PTPRG: variants seen among roughly 807,000 people sequenced by gnomAD.
PTPRG encodes the protein protein tyrosine phosphatase receptor type G.
A neutral mutation model predicts 165.3 loss-of-function variants in PTPRG; 102 were observed. The observed-to-expected ratio is 0.62, with a 90% CI of 0.53 to 0.73. PTPRG has a LOEUF of 0.73. Ranked by LOEUF, PTPRG falls within the 30% of genes least tolerant of loss-of-function variation. The pLI, the probability that PTPRG is intolerant of heterozygous loss-of-function variation, is 0.00. For synonymous variants in PTPRG, 675 were observed against 669.5 expected (o/e 1.01, Z -0.13); for missense variants, 1,866 against 1,861.4 (o/e 1.00, Z -0.05).
At chr3:62,282,952 A>G (rs1349654833) in intron 28 of PTPRG, 83 bp downstream of exon 28, 28 of 1,352,114 alleles carry the variant, frequency 2.1e-5, no homozygotes, top group Non-Finnish European at 2.9e-5. Flanking sequence ...AGGAAGCCAG[A>G]ATTTTAAAAC....
intron 2 of PTPRG, among the ~76,000 whole-genome samples, chr3:61,933,677 A>G (rs2039415927): frequency 7.8e-6 from 1 of 128,194 alleles, no homozygotes; most frequent in Non-Finnish European, 1.6e-5. Flanking sequence ...GACGGTGGCC[A>G]CTGACGCCCC....
At position 61,623,035 on chromosome 3, in the gene PTPRG, A is replaced by G. The variant is rs191914991; in HGVS notation, c.85+60663A>G. Among the ~76,000 whole-genome samples, 14 of 152,342 alleles carry G rather than the reference A, an allele frequency of 9.2e-5. No individual in the cohort carries two copies. In the East Asian group the frequency reaches 2.7e-3, roughly 29 times the overall value. ...GTATTCCACTGTGTATCTTAATATC[A>G]GGGAAATATCTCACAGGCACATCAA... On this transcript the variant is annotated intron_variant, in intron 1 of 29. Coordinates refer to ENST00000474889, the MANE Select transcript of PTPRG (RefSeq NM_002841.4).
rs556118014 is a variant in PTPRG, at chr3:62,035,131, C to T, written c.519+31634C>T. ...AAATTTAAAGTTAAAATCTGAACAC[C>T]GAGTCTCTGTTTGGGGCTTGAAAAT... is the stretch of plus-strand genomic sequence containing the variant. On this transcript the variant is annotated intron_variant, in intron 4 of 29. Transcript: ENST00000474889. 6.6e-5 allele frequency among the ~76,000 whole-genome samples: 10 copies of T among 152,142 alleles called. No homozygotes were observed. The South Asian group carries it at 1.0e-3, about 16-fold the overall frequency.
chr3:62,165,662 G>A (rs1055470499), intron 7 of PTPRG, among the ~76,000 whole-genome samples: 3 of 152,130 alleles, frequency 2.0e-5, no homozygotes, highest in African/African-American at 7.2e-5. Context: ...GGCTGGTTGT[G>A]AATCCGTCCT....
intron 2 of PTPRG, among the ~76,000 whole-genome samples, chr3:61,832,617 T>C (rs979444371): frequency 5.3e-5 from 8 of 152,202 alleles, no homozygotes; most frequent in Admixed American, 4.6e-4. Context: ...GGTATCATTA[T>C]CTTCATTTTA....
At chr3:61,680,449 C>A (rs1396039693) in intron 1 of PTPRG, among the ~76,000 whole-genome samples, 1 of 147,302 alleles carries the variant, frequency 6.8e-6, no homozygotes, top group African/African-American at 2.5e-5. Flanking sequence ...AAATCCAAAT[C>A]CAGAAACATC....
chr3:62,095,922 G>C (rs1362711750), intron 5 of PTPRG, among the ~76,000 whole-genome samples: 2 of 152,098 alleles, frequency 1.3e-5, no homozygotes, highest in African/African-American at 4.8e-5. Context: ...AAGCCCTCAA[G>C]GCTCAAGCTA....
rs575517640 is a variant in PTPRG, at chr3:62,237,250, A to C, written c.2375+5939A>C. On this transcript the variant is annotated intron_variant, in intron 14 of 29. Coordinates refer to ENST00000474889, the MANE Select transcript of PTPRG (RefSeq NM_002841.4). This position sits in a 1 kb window ranked among gnomAD's most constrained non-coding sequence, Gnocchi z 4.5. ...TTGGTCATTCTGGGTATTCTTCCTT[A>C]AGAATTCCTGGGTGGAAATGGGGGG... Among the ~76,000 whole-genome samples, 16 of 152,256 alleles carry C rather than the reference A, an allele frequency of 1.1e-4. No individual in the cohort carries two copies. Among genetic ancestry groups the C allele is most frequent in the Non-Finnish European group, 2.1e-4 (14 of 68,018 alleles).
At chr3:61,622,180 G>T (rs2106904286) in intron 1 of PTPRG, among the ~76,000 whole-genome samples, 1 of 152,238 alleles carries the variant, frequency 6.6e-6, no homozygotes, top group South Asian at 2.1e-4. Context: ...GACTTTTCTT[G>T]CCTCCCTCTC....
intron 1 of PTPRG, among the ~76,000 whole-genome samples, chr3:61,590,953 T>C (rs1437478037): frequency 6.6e-6 from 1 of 152,018 alleles, no homozygotes; most frequent in Non-Finnish European, 1.5e-5. Context: ...CTATTAAAAA[T>C]ACAAAAATTA....
chr3:61,867,882 C>T (rs757126274), intron 2 of PTPRG, among the ~76,000 whole-genome samples: 8 of 152,096 alleles, frequency 5.3e-5, no homozygotes, highest in Non-Finnish European at 8.8e-5. Flanking sequence ...CCCAGGGATG[C>T]GTTTGTAAAG....
rs1702063213 is a variant in PTPRG at position 62,271,507 on chromosome 3, C to T, written c.3134C>T (p.Ser1045Phe). Residue 1045 changes from serine (S) to phenylalanine (F), a missense_variant, in exon 21 of 30, where the codon TCC becomes TTC. Coordinates refer to ENST00000474889, the MANE Select transcript of PTPRG (RefSeq NM_002841.4). The surrounding 1 kb of genome is among the most constrained non-coding windows in gnomAD (Gnocchi z 4.1). ...CCAGTACTGACTTTCGTGAGGAGAT[C>T]CTCAGCAGCTCGGATGCCAGAAACG... The part of the protein sequence containing the change: ...ALPVLTFVRR[S>F]SAARMPETGP... 1.9e-6 allele frequency: 3 copies of T among 1,613,926 alleles called. No homozygotes were observed. Among genetic ancestry groups the T allele is most frequent in the East Asian group, 2.2e-5 (1 of 44,876 alleles).
intron 2 of PTPRG, among the ~76,000 whole-genome samples, chr3:61,976,677 T>A (rs1050416099): frequency 3.9e-5 from 6 of 152,088 alleles, no homozygotes; most frequent in Admixed American, 2.0e-4. Flanking sequence ...AGGGTCTTTT[T>A]AAAAAATTTT....
intron 5 of PTPRG, among the ~76,000 whole-genome samples, chr3:62,126,934 A>G (rs1319004489): frequency 1.3e-5 from 2 of 152,248 alleles, no homozygotes; most frequent in Non-Finnish European, 2.9e-5. Context: ...GAGACACTAG[A>G]AAATGATGTT....
At position 62,245,526 on chromosome 3, in the gene PTPRG, A is replaced by G. The variant is rs573013144; in HGVS notation, c.2467+1628A>G. 3.9e-5 allele frequency among the ~76,000 whole-genome samples: 6 copies of G among 152,056 alleles called. No individual in the cohort carries two copies. The highest frequency in any genetic ancestry group is 1.9e-4 in the East Asian group (1 of 5,156). On this transcript the variant is annotated intron_variant, in intron 15 of 29. Transcript: ENST00000474889. This position sits in a 1 kb window ranked among gnomAD's most constrained non-coding sequence, Gnocchi z 4.2. The stretch of plus-strand genomic sequence containing the variant: ...CTTACTGGGCTGTTTTTCCATTTCT[A>G]TTTTCTTTTACCACTGGATTAGGAA...
intron 1 of PTPRG, among the ~76,000 whole-genome samples, chr3:61,671,172 G>C (rs1159718276): frequency 6.8e-6 from 1 of 146,810 alleles, no homozygotes; most frequent in Non-Finnish European, 1.5e-5. Flanking sequence ...GATCATTCTT[G>C]GGTGTTTCTC....
At chr3:61,608,678 A>G (rs981833472) in intron 1 of PTPRG, among the ~76,000 whole-genome samples, 1 of 152,158 alleles carries the variant, frequency 6.6e-6, no homozygotes, top group African/African-American at 2.4e-5. Context: ...CATTTGTGTG[A>G]AACAATAAAT....
At chr3:62,137,308 G>C (rs1383026065) in intron 6 of PTPRG, among the ~76,000 whole-genome samples, 1 of 152,028 alleles carries the variant, frequency 6.6e-6, no homozygotes, top group Non-Finnish European at 1.5e-5. Flanking sequence ...ACTTAGTCTA[G>C]TTCTGATGTG....
At chr3:61,840,333 C>G (rs2036588068) in intron 2 of PTPRG, among the ~76,000 whole-genome samples, 1 of 152,050 alleles carries the variant, frequency 6.6e-6, no homozygotes, top group South Asian at 2.1e-4. Context: ...TCTTTAGTTA[C>G]TAAATCTTTA....
Sources: allele counts gnomAD v4.1 joint callset (sites outside exome capture counted in the v4.1 genomes callset), GRCh38; gene constraint gnomAD v4.1.1; non-coding constraint Gnocchi (gnomAD v3.1); transcripts MANE v1.5; gene names NCBI Gene and HGNC (gene_info 2026-07-23, HGNC 2026-07-21).